The following CDH13 variants were observed in gnomAD, a reference collection of about 807,000 sequenced individuals.
The protein encoded by CDH13 is cadherin-13.
Under a neutral mutation model 63.8 loss-of-function variants are expected in CDH13, and 24 were observed. That is an observed-to-expected ratio of 0.38 (90% confidence interval 0.27 to 0.53). CDH13 has a LOEUF of 0.53. CDH13 is among the 20% of genes least tolerant of loss of function. The pLI is 0.85. For synonymous variants in CDH13, 503 were observed against 355.3 expected (o/e 1.42, Z -4.67); for missense variants, 1,049 against 903.1 (o/e 1.16, Z -2.07).
intron 3 of CDH13, among the ~76,000 whole-genome samples, chr16:83,060,201 A>G (rs1252928682): frequency 2.0e-5 from 3 of 152,168 alleles, no homozygotes; most frequent in Non-Finnish European, 4.4e-5. Context: ...TAAACAATAT[A>G]TTAATATAAG....
intron 6 of CDH13, among the ~76,000 whole-genome samples, chr16:83,356,489 G>A (rs1432401322): frequency 2.0e-5 from 3 of 152,096 alleles, no homozygotes; most frequent in African/African-American, 7.2e-5. Context: ...AGAAAAGATT[G>A]ATAATCAGCA....
At chr16:82,847,024 C>A (rs1007312072) in intron 1 of CDH13, among the ~76,000 whole-genome samples, 1 of 152,206 alleles carries the variant, frequency 6.6e-6, no homozygotes, top group African/African-American at 2.4e-5. Flanking sequence ...AAGCCATGAC[C>A]TTCCCTTATT....
Position 83,167,499 on chromosome 16 carries a change from CAA to C in CDH13, c.483+42019_483+42020del, listed in dbSNP as rs11430454. 8.8e-4 allele frequency among the ~76,000 whole-genome samples: 88 copies of C among 99,522 alleles called. 1 individual carries two copies. The highest frequency in any genetic ancestry group is 1.2e-3 in the Admixed American group (10 of 8,148). 65.3% of individuals were successfully genotyped at this position (99,522 alleles called of 152,430 possible). On this transcript the variant is annotated intron_variant, in intron 4 of 13. Transcript: ENST00000567109. Reference sequence around the variant, plus strand: ...TGAGGGACAGAGTGAGACCCTTTCCCAAAAAAAAAAAAAAAAAAAAAAGCATT... The same window carrying C: ...TGAGGGACAGAGTGAGACCCTTTCCCAAAAAAAAAAAAAAAAAAAAGCATT...
At chr16:83,470,510 T>C (rs1422623679) in intron 6 of CDH13, among the ~76,000 whole-genome samples, 1 of 152,232 alleles carries the variant, frequency 6.6e-6, no homozygotes, top group Non-Finnish European at 1.5e-5. Context: ...CATTTTAGCC[T>C]AGATTCCTCT....
At chr16:82,677,044 C>A (rs1292933605) in intron 1 of CDH13, among the ~76,000 whole-genome samples, 2 of 152,134 alleles carry the variant, frequency 1.3e-5, no homozygotes, top group African/African-American at 4.8e-5. Flanking sequence ...CCACCACAGC[C>A]AGCTAATTTT....
intron 3 of CDH13, among the ~76,000 whole-genome samples, chr16:83,121,007 C>A (rs771853729): frequency 1.3e-5 from 2 of 152,104 alleles, no homozygotes; most frequent in Non-Finnish European, 2.9e-5. Context: ...CGTGATCCTC[C>A]CGCCTCGGCC....
chr16:82,804,282 C>CAT, intron 1 of CDH13, among the ~76,000 whole-genome samples: 1 of 135,254 alleles, frequency 7.4e-6, no homozygotes, highest in African/African-American at 2.9e-5. Context: ...TTGCTACACA[C>CAT]ACACACACAC....
At chr16:82,856,385 A>AAAAAGAAAAG (rs67180729) in intron 1 of CDH13, among the ~76,000 whole-genome samples, 215 of 95,290 alleles carry the variant, frequency 2.3e-3, no homozygotes, top group East Asian at 5.9e-3. Context: ...AAAAAAAAAA[A>AAAAAGAAAAG]AAAAGAAAAG....
In CDH13 at chr16:83,232,548, ACAAAC is replaced by A. The variant is rs148325673; in HGVS notation, c.636+15052_636+15056del. ...CAAAAAACGACAACAACAACAACAA[ACAAAC>A]AAAAAAAAAAAAAAGTGTGGCACCT... On this transcript the variant is annotated intron_variant, in intron 5 of 13. Coordinates refer to ENST00000567109, the MANE Select transcript of CDH13 (RefSeq NM_001257.5). 8.5e-4 allele frequency among the ~76,000 whole-genome samples: 105 copies of A among 123,108 alleles called. 1 individual carries two copies. The highest frequency in any genetic ancestry group is 3.8e-3 in the Middle Eastern group (1 of 264). 80.8% of individuals were successfully genotyped at this position (123,108 alleles called of 152,430 possible).
intron 2 of CDH13, among the ~76,000 whole-genome samples, chr16:83,013,698 A>G (rs143836942): frequency 0.01 from 1,591 of 152,336 alleles, 25 homozygotes; most frequent in African/African-American, 0.033. Flanking sequence ...AGACAATCTG[A>G]CAGATCACAA....
intron 8 of CDH13, among the ~76,000 whole-genome samples, chr16:83,667,848 G>T (rs1206511913): frequency 6.6e-6 from 1 of 151,742 alleles, no homozygotes; most frequent in Admixed American, 6.6e-5. Context: ...TTTTTAGAGA[G>T]ATGGGAATCT....
chr16:83,656,140 C>G (rs1486639675), intron 8 of CDH13, among the ~76,000 whole-genome samples: 1 of 152,148 alleles, frequency 6.6e-6, no homozygotes, highest in Non-Finnish European at 1.5e-5. Flanking sequence ...TTCTGTCTGT[C>G]TGAGTTTGCC....
intron 1 of CDH13, among the ~76,000 whole-genome samples, chr16:82,671,989 C>G (rs1249129918): frequency 6.6e-6 from 1 of 152,148 alleles, no homozygotes; most frequent in Admixed American, 6.5e-5. Context: ...AGACTATCAC[C>G]TGCTTTGGAA....
intron 1 of CDH13, among the ~76,000 whole-genome samples, chr16:82,725,432 C>T (rs76002740): frequency 0.066 from 10,074 of 152,234 alleles, 363 homozygotes; most frequent in African/African-American, 0.084. Context: ...CACTTAGCAG[C>T]AGGATACCCT....
chr16:83,334,882 G>A (rs1474247417), intron 5 of CDH13, among the ~76,000 whole-genome samples: 1 of 152,114 alleles, frequency 6.6e-6, no homozygotes, highest in Non-Finnish European at 1.5e-5. Flanking sequence ...TGGACCATGA[G>A]TATATTTTCA....
chr16:83,049,003 G>T (rs1019691368), intron 3 of CDH13, among the ~76,000 whole-genome samples: 1 of 152,152 alleles, frequency 6.6e-6, no homozygotes, highest in Non-Finnish European at 1.5e-5. Context: ...TTTGAAGGTC[G>T]TGGAAACTGA....
chr16:83,459,966 A>C (rs1175904961), intron 6 of CDH13, among the ~76,000 whole-genome samples: 1 of 152,216 alleles, frequency 6.6e-6, no homozygotes, highest in Non-Finnish European at 1.5e-5. Flanking sequence ...GAAAAGGTAG[A>C]GATTGAAGAC....
chr16:82,988,509 C>G (rs1427443045), intron 2 of CDH13, among the ~76,000 whole-genome samples: 1 of 152,030 alleles, frequency 6.6e-6, no homozygotes, highest in Non-Finnish European at 1.5e-5. Context: ...CACATGTAAT[C>G]CCAGCAGTTT....
chr16:82,920,115 G>A (rs2042108500), intron 2 of CDH13, among the ~76,000 whole-genome samples: 1 of 152,172 alleles, frequency 6.6e-6, no homozygotes, highest in African/African-American at 2.4e-5. Context: ...ATGTATGCGA[G>A]AAGTCCATGA....
Sources: gnomAD v4.1 joint callset for allele counts (sites outside exome capture counted in the v4.1 genomes callset) on GRCh38, gnomAD v4.1.1 for gene constraint, MANE v1.5 for transcripts, NCBI Gene and HGNC (gene_info 2026-07-23, HGNC 2026-07-21) for gene names.